Variants in GDF7 observed in about 807,000 individuals in gnomAD.
GDF7 encodes growth differentiation factor 7.
A neutral mutation model predicts 13.4 loss-of-function variants in GDF7; 12 were observed. That is an observed-to-expected ratio of 0.90 (90% CI 0.57 to 1.45). The LOEUF (loss-of-function observed/expected upper bound fraction) is 1.45, where lower values mean the gene tolerates loss of function less well. GDF7 is among the 40% of genes most tolerant of loss of function. The pLI is 0.00. For missense variants in GDF7, 651 were observed against 652.4 expected (o/e 1.00, Z 0.02); for synonymous variants, 330 against 306.4 (o/e 1.08, Z -0.80).
In GDF7 at chr2:20,674,739, C is replaced by T. The variant is rs1297871324; in HGVS notation, c.*3314C>T. On this transcript the variant is annotated 3_prime_UTR_variant, in exon 2 of 2. Transcript: ENST00000272224. The stretch of plus-strand genomic sequence containing the variant: ...GCTCCCCTTCACCATACCCTCCTGG[C>T]AACGATATGAGGTGTGGATTGTGTG... 1 of 152,212 alleles carries T rather than the reference C, an allele frequency of 6.6e-6. No individual in the cohort carries two copies. The highest frequency in any genetic ancestry group is 2.4e-5 in the African/African-American group (1 of 41,446). 9.4% of individuals were successfully genotyped at this position (152,212 alleles called of 1,614,324 possible).
At chr2:20,669,160 C>T (rs1272761845) in intron 1 of GDF7, among the ~76,000 whole-genome samples, 4 of 152,180 alleles carry the variant, frequency 2.6e-5, no homozygotes, top group Non-Finnish European at 5.9e-5. Context: ...AGAGAAAGTG[C>T]TCCTCGTGCA....
At chr2:20,669,249 C>A (rs1478377227) in intron 1 of GDF7, among the ~76,000 whole-genome samples, 1 of 152,088 alleles carries the variant, frequency 6.6e-6, no homozygotes, top group Non-Finnish European at 1.5e-5. Flanking sequence ...CCCCAGAAGC[C>A]ATTGATAGGG....
Position 20,671,662 on chromosome 2 carries a change from T to C in GDF7, c.*237T>C, listed in dbSNP as rs1662130086. 3.7e-6 allele frequency: 2 copies of C among 533,834 alleles called. No homozygotes were observed. Among genetic ancestry groups the C allele is most frequent in the Non-Finnish European group, 3.4e-6 (1 of 297,792 alleles). The allele number at this position is 533,834 out of a possible 1,614,324, so 33.1% of individuals were successfully genotyped here. A position where few individuals can be genotyped will look rare whatever the true frequency, so the allele number is the denominator to read the frequency against. On this transcript the variant is annotated 3_prime_UTR_variant, in exon 2 of 2. Transcript: ENST00000272224. ...CTGCCGGTACCGAATGTCAAAGCCCTGTGTATTTTGCAAACAGATAACCAT... is the reference window on the plus strand; with the variant it reads ...CTGCCGGTACCGAATGTCAAAGCCCCGTGTATTTTGCAAACAGATAACCAT...
At position 20,676,971 on chromosome 2, in the gene GDF7, G is replaced by A; in HGVS notation, c.*5546G>A. On this transcript the variant is annotated 3_prime_UTR_variant, in exon 2 of 2. Transcript: ENST00000272224. ...GCCTCTTCTAGCATCTGTGCATGGT[G>A]CGCATGTGTCTGTGACAACAGAAAG... 6.6e-6 allele frequency: 1 copy of A among 152,272 alleles called. No homozygotes were observed. Among genetic ancestry groups the A allele is most frequent in the East Asian group, 1.9e-4 (1 of 5,194 alleles). 9.4% of individuals were successfully genotyped at this position (152,272 alleles called of 1,614,324 possible).
Position 20,667,429 on chromosome 2 carries a change from G to T in GDF7, c.190G>T (p.Ala64Ser). The change falls in exon 1 of 2, where the codon GCC becomes TCC. Residue 64 changes from alanine (A) to serine (S), a missense_variant. Coordinates refer to ENST00000272224, the MANE Select transcript of GDF7 (RefSeq NM_182828.4). The surrounding 1 kb of genome is among the most constrained non-coding windows in gnomAD (Gnocchi z 6.4). ...GGCTGCGGGCGCCGCGGCTGTCCCG[G>T]CCGCCGCGGTTCCCCGGGCCCGCGC... ...AQAAGAAAVP[A>S]AAVPRARAAR... The T allele has an allele frequency of 1.3e-5, 13 of 1,023,682 alleles. No homozygotes were observed. The highest frequency in any genetic ancestry group is 1.5e-5 in the Non-Finnish European group (13 of 851,212). The allele number at this position is 1,023,682 out of a possible 1,614,324, so 63.4% of individuals were successfully genotyped here.
chr2:20,671,064 A>C lies in GDF7; in HGVS notation c.992A>C (p.Gln331Pro), dbSNP rs1662114172. ...GCGTTGGCCGGGACGCGGACAGCGC[A>C]GGGCAGCGGCGGGGGCGCGGGCCGG... Reference protein sequence around the residue: ...RTALAGTRTAQGSGGGAGRGH... With the variant: ...RTALAGTRTAPGSGGGAGRGH... The change falls in exon 2 of 2, where the codon CAG becomes CCG. Residue 331 changes from glutamine to proline, a missense_variant. By Grantham distance (76) the Gln-to-Pro change is moderately conservative. Around this residue, in one of 4 missense-constraint regions of GDF7, gnomAD observed 487 missense variants for 445.9 expected, o/e 1.09. Transcript: ENST00000272224. 6.7e-7 allele frequency: 1 copy of C among 1,498,112 alleles called. No individual in the cohort carries two copies. The highest frequency in any genetic ancestry group is 8.9e-7 in the Non-Finnish European group (1 of 1,127,122). The allele number at this position is 1,498,112 out of a possible 1,614,324, so 92.8% of individuals were successfully genotyped here. A position where few individuals can be genotyped will look rare whatever the true frequency, so the allele number is the denominator to read the frequency against.
chr2:20,667,171 C>T lies in GDF7; in HGVS notation c.-69C>T, dbSNP rs1695969917. 7.5e-6 allele frequency: 8 copies of T among 1,072,546 alleles called. No homozygotes were observed. In the South Asian group the frequency reaches 2.0e-4, roughly 26 times the overall value. The allele number at this position is 1,072,546 out of a possible 1,614,324, so 66.4% of individuals were successfully genotyped here. A position where few individuals can be genotyped will look rare whatever the true frequency, so the allele number is the denominator to read the frequency against. On this transcript the variant is annotated 5_prime_UTR_variant, in exon 1 of 2. Transcript: ENST00000272224. The surrounding 1 kb of genome is among the most constrained non-coding windows in gnomAD (Gnocchi z 6.4). ...TTCCCCCATTATTAAACACTATGTT[C>T]AAAAGGCGCCGGGGGACTTCCCGGA...
chr2:20,678,634 AT>A lies in GDF7; in HGVS notation c.*7212del, dbSNP rs1198353929. On this transcript the variant is annotated 3_prime_UTR_variant, in exon 2 of 2. Coordinates refer to ENST00000272224, the MANE Select transcript of GDF7 (RefSeq NM_182828.4). ...CGAGTGGCTGCAGCTTAGAAAGCAAATTTCATCTGATTCCAGTACTGTGATT... is the reference window on the plus strand; with the variant it reads ...CGAGTGGCTGCAGCTTAGAAAGCAAATTCATCTGATTCCAGTACTGTGATT... 1 of 152,216 alleles carries A rather than the reference AT, an allele frequency of 6.6e-6. No individual in the cohort carries two copies. Among genetic ancestry groups the A allele is most frequent in the African/African-American group, 2.4e-5 (1 of 41,448 alleles). The allele number at this position is 152,216 out of a possible 1,614,324, so 9.4% of individuals were successfully genotyped here.
rs1201425423 is a variant in GDF7 at position 20,671,510 on chromosome 2, G to A, written c.*85G>A. Reference sequence around the variant, plus strand: ...CGGGCCACCCTGTCACCGAGCGTGGGTGCATGTCCGATGTGACCCAGCACC... The same window carrying A: ...CGGGCCACCCTGTCACCGAGCGTGGATGCATGTCCGATGTGACCCAGCACC... On this transcript the variant is annotated 3_prime_UTR_variant, in exon 2 of 2. Coordinates refer to ENST00000272224, the MANE Select transcript of GDF7 (RefSeq NM_182828.4). The A allele has an allele frequency of 2.1e-6, 3 of 1,419,058 alleles. No individual in the cohort carries two copies. The highest frequency in any genetic ancestry group is 4.9e-5 in the East Asian group (2 of 41,186). The allele number at this position is 1,419,058 out of a possible 1,614,324, so 87.9% of individuals were successfully genotyped here.
chr2:20,670,854 C>T lies in GDF7; in HGVS notation c.782C>T (p.Ala261Val). ...GFGWPGGGGS[A>V]AEERAVLVVS... The stretch of plus-strand genomic sequence containing the variant: ...GGCTGGCCGGGCGGAGGGGGCTCTG[C>T]GGCAGAGGAGCGCGCGGTGCTAGTC... The change falls in exon 2 of 2, where the codon GCG (alanine) becomes GTG (valine). Residue 261 changes from alanine to valine, a missense_variant. Physicochemically the swap from Ala to Val is moderately conservative, Grantham distance 64. Transcript: ENST00000272224. The T allele has an allele frequency of 2.0e-6, 3 of 1,501,770 alleles. No individual in the cohort carries two copies. The highest frequency in any genetic ancestry group is 2.1e-5 in the Admixed American group (1 of 47,458). The allele number at this position is 1,501,770 out of a possible 1,614,324, so 93.0% of individuals were successfully genotyped here. A position where few individuals can be genotyped will look rare whatever the true frequency, so the allele number is the denominator to read the frequency against.
In GDF7 at chr2:20,673,349, C is replaced by G. The variant is rs1423336189; in HGVS notation, c.*1924C>G. 1.3e-5 allele frequency: 2 copies of G among 151,942 alleles called. No homozygotes were observed. The highest frequency in any genetic ancestry group is 2.9e-5 in the Non-Finnish European group (2 of 68,008). The allele number at this position is 151,942 out of a possible 1,614,324, so 9.4% of individuals were successfully genotyped here. A position where few individuals can be genotyped will look rare whatever the true frequency, so the allele number is the denominator to read the frequency against. Reference sequence around the variant, plus strand: ...TCAGGTTAAAAATTTTAAAAATATCCAAAAGTGGCTGCTCTGGTACAATTC... The same window carrying G: ...TCAGGTTAAAAATTTTAAAAATATCGAAAAGTGGCTGCTCTGGTACAATTC... On this transcript the variant is annotated 3_prime_UTR_variant, in exon 2 of 2. Coordinates refer to ENST00000272224, the MANE Select transcript of GDF7 (RefSeq NM_182828.4).
At position 20,671,262 on chromosome 2, in the gene GDF7, T is replaced by C; in HGVS notation, c.1190T>C (p.Ile397Thr). 1 of 1,613,922 alleles carries C rather than the reference T, an allele frequency of 6.2e-7. No homozygotes were observed. Residue 397 changes from isoleucine to threonine, a missense_variant, in exon 2 of 2, where the codon ATC becomes ACC. Coordinates refer to ENST00000272224, the MANE Select transcript of GDF7 (RefSeq NM_182828.4). ...CACCTCGAGCCCACCAACCATGCCA[T>C]CATTCAGACGCTGCTCAACTCCATG... Reference protein sequence around the residue: ...RSHLEPTNHAIIQTLLNSMAP... With the variant: ...RSHLEPTNHATIQTLLNSMAP...
At chr2:20,670,121 G>A (rs1662086083) in intron 1 of GDF7, among the ~76,000 whole-genome samples, 1 of 152,186 alleles carries the variant, frequency 6.6e-6, no homozygotes, top group Non-Finnish European at 1.5e-5. Context: ...GTCAGGCCGC[G>A]GAACTATAGC....
chr2:20,668,683 G>A (rs1662027017), intron 1 of GDF7, among the ~76,000 whole-genome samples: 1 of 152,206 alleles, frequency 6.6e-6, no homozygotes, highest in Admixed American at 6.5e-5. Flanking sequence ...TGGGAAGGCA[G>A]GCAGAGGCCT....
At position 20,670,865 on chromosome 2, in the gene GDF7, C is replaced by T; in HGVS notation, c.793C>T (p.Arg265Cys). Residue 265 changes from arginine to cysteine, a missense_variant, in exon 2 of 2, where the codon CGC becomes TGC. Transcript: ENST00000272224. ...CGGAGGGGGCTCTGCGGCAGAGGAG[C>T]GCGCGGTGCTAGTCGTCTCCTCCCG... is the stretch of plus-strand genomic sequence containing the variant. ...PGGGGSAAEE[R>C]AVLVVSSRTQ... 3.3e-6 allele frequency: 5 copies of T among 1,509,060 alleles called. No individual in the cohort carries two copies. The highest frequency in any genetic ancestry group is 2.1e-4 in the Middle Eastern group (1 of 4,672). The allele number at this position is 1,509,060 out of a possible 1,614,324, so 93.5% of individuals were successfully genotyped here.
chr2:20,671,439 G>A lies in GDF7; in HGVS notation c.*14G>A, dbSNP rs772589333. On this transcript the variant is annotated 3_prime_UTR_variant, in exon 2 of 2. Transcript: ENST00000272224. ...GGCTGCAGGTAGCGCGAGGGCCGGG[G>A]AGGGGGCAGCCACGCGGCCGAGGAT... The A allele has an allele frequency of 1.8e-5, 29 of 1,606,226 alleles. No individual in the cohort carries two copies. Among genetic ancestry groups the A allele is most frequent in the Middle Eastern group, 3.3e-4 (2 of 6,050 alleles).
chr2:20,667,363 G>GGCGGCGGCA lies in GDF7; in HGVS notation c.132_133insAGCGGCGGC (p.Gly44_Gly45insSerGlyGly). On this transcript the variant is annotated inframe_insertion, in exon 1 of 2. Coordinates refer to ENST00000272224, the MANE Select transcript of GDF7 (RefSeq NM_182828.4). This position sits in a 1 kb window ranked among gnomAD's most constrained non-coding sequence, Gnocchi z 6.4. ...GGCTGGGCCGGTCCGGAGCCCAGGG[G>GGCGGCGGCA]GCGGCGGCGGCGGCGGCGGCGGCGG... 2 of 751,340 alleles carry GGCGGCGGCA rather than the reference G, an allele frequency of 2.7e-6. No homozygotes were observed. The highest frequency in any genetic ancestry group is 2.9e-6 in the Non-Finnish European group (2 of 686,142). 46.5% of individuals were successfully genotyped at this position (751,340 alleles called of 1,614,324 possible).
chr2:20,672,124 C>A lies in GDF7; in HGVS notation c.*699C>A, dbSNP rs58159050. On this transcript the variant is annotated 3_prime_UTR_variant, in exon 2 of 2. Coordinates refer to ENST00000272224, the MANE Select transcript of GDF7 (RefSeq NM_182828.4). Reference sequence around the variant, plus strand: ...GTACCGCCACCCCCCCCCCCCCCCCCGCCTTTTTTTTTTTTTTTTTTAATC... The same window carrying A: ...GTACCGCCACCCCCCCCCCCCCCCCAGCCTTTTTTTTTTTTTTTTTTAATC... The A allele has an allele frequency of 7.5e-5, 3 of 39,832 alleles. No individual in the cohort carries two copies. The highest frequency in any genetic ancestry group is 1.9e-4 in the Admixed American group (1 of 5,142). The allele number at this position is 39,832 out of a possible 1,614,324, so 2.5% of individuals were successfully genotyped here. A position where few individuals can be genotyped will look rare whatever the true frequency, so the allele number is the denominator to read the frequency against.
chr2:20,670,679 C>T lies in GDF7; in HGVS notation c.607C>T (p.Leu203=), dbSNP rs528263457. The T allele has an allele frequency of 7.4e-5, 113 of 1,517,010 alleles. No homozygotes were observed. The South Asian group carries it at 1.3e-3, about 18-fold the overall frequency. The allele number at this position is 1,517,010 out of a possible 1,614,324, so 94.0% of individuals were successfully genotyped here. Residue 203 remains leucine (L), a synonymous_variant, in exon 2 of 2, where the codon CTA becomes TTA. Transcript: ENST00000272224. ...GCTGTACTCGCGGGCAGCTGAGCCC[C>T]TAGTCGGTCAGCGCTGGGAGGCGTT... ...RLLYSRAAEP[L]VGQRWEAFDV...
Sources: gnomAD v4.1 joint callset for allele counts (sites outside exome capture counted in the v4.1 genomes callset) on GRCh38, gnomAD v4.1.1 for gene constraint, gnomAD v4.1.1 regional missense constraint, Gnocchi (gnomAD v3.1) non-coding constraint, MANE v1.5 for transcripts, NCBI Gene and HGNC (gene_info 2026-07-23, HGNC 2026-07-21) for gene names.